The following EBF2 variants were observed in gnomAD, a reference collection of about 807,000 sequenced individuals.
EBF2 encodes transcription factor COE2.
EBF2 carries 21 observed loss-of-function variants against 72.8 expected under a neutral mutation model. That is an observed-to-expected ratio of 0.29 (90% CI 0.20 to 0.42). The LOEUF (loss-of-function observed/expected upper bound fraction) is 0.42, where lower values mean the gene tolerates loss of function less well. Among genes scored for constraint, EBF2 ranks in the 10% least tolerant of loss-of-function variants. The pLI is 1.00. For synonymous variants in EBF2, 299 were observed against 274.2 expected, an observed-to-expected ratio of 1.09 and a Z score of -0.89; for missense variants, 637 against 731.2, an observed-to-expected ratio of 0.87 and a Z score of 1.49.
intron 6 of EBF2, among the ~76,000 whole-genome samples, chr8:25,916,080 G>A (rs1642319975): frequency 6.6e-6 from 1 of 151,958 alleles, no homozygotes; most frequent in African/African-American, 2.4e-5. Flanking sequence ...GAGATCAGGA[G>A]CTTGAGACCA....
At chr8:26,037,716 G>A (rs1805525801) in intron 5 of EBF2, among the ~76,000 whole-genome samples, 1 of 152,274 alleles carries the variant, frequency 6.6e-6, no homozygotes, top group South Asian at 2.1e-4. Context: ...AGGGCTCAGG[G>A]GTGGCTGGCA....
rs774788682 is a variant in EBF2, at chr8:25,861,231, A to G, written c.1165-5T>C. 3 of 1,613,154 alleles carry G rather than the reference A, an allele frequency of 1.9e-6. No individual in the cohort carries two copies. The Admixed American group carries it at 5.0e-5, about 27-fold the overall frequency. The stretch of plus-strand genomic sequence containing the variant: ...GGCTCGCTTCAAAATGATGTCCTAC[A>G]AAACAACAGGTTAATGTGAGCATTC... On this transcript the variant is annotated splice_polypyrimidine_tract_variant and splice_region_variant and intron_variant, in intron 12 of 15. Transcript: ENST00000520164.
At chr8:26,040,808 C>T in intron 3 of EBF2, 131 bp downstream of exon 3, 1 of 1,487,790 alleles carries the variant, frequency 6.7e-7, no homozygotes, top group Non-Finnish European at 9.2e-7. Flanking sequence ...CTCCCAATCC[C>T]CTGTCCCAGG....
At chr8:25,954,615 T>C (rs1401253587) in intron 6 of EBF2, among the ~76,000 whole-genome samples, 1 of 152,194 alleles carries the variant, frequency 6.6e-6, no homozygotes, top group Admixed American at 6.5e-5. Context: ...CACCACCGTT[T>C]CCCACATGCT....
chr8:25,956,406 A>C (rs1346963593), intron 6 of EBF2, among the ~76,000 whole-genome samples: 1 of 145,058 alleles, frequency 6.9e-6, no homozygotes. Context: ...ACTCCTTCTC[A>C]AAAAAAAAAA....
intron 6 of EBF2, among the ~76,000 whole-genome samples, chr8:25,948,552 T>C (rs776461032): frequency 1.3e-5 from 2 of 152,182 alleles, no homozygotes; most frequent in Non-Finnish European, 1.5e-5. Context: ...GCGACATTTA[T>C]AACTACATTA....
chr8:25,952,121 T>A (rs888921059), intron 6 of EBF2, among the ~76,000 whole-genome samples: 1 of 151,978 alleles, frequency 6.6e-6, no homozygotes, highest in East Asian at 1.9e-4. Context: ...AGTGAGACCG[T>A]GTATCTACAA....
intron 6 of EBF2, among the ~76,000 whole-genome samples, chr8:25,914,569 C>A (rs1324246880): frequency 2.0e-5 from 3 of 152,202 alleles, no homozygotes; most frequent in Non-Finnish European, 4.4e-5. Flanking sequence ...GCTCTTGTTA[C>A]ACCCTACAGT....
intron 6 of EBF2, among the ~76,000 whole-genome samples, chr8:25,994,656 A>G (rs1022032485): frequency 7.2e-5 from 11 of 152,240 alleles, no homozygotes; most frequent in African/African-American, 2.7e-4. Context: ...ATACAGCTGG[A>G]GGCCATTATT....
intron 6 of EBF2, among the ~76,000 whole-genome samples, chr8:25,926,372 C>A (rs1803386477): frequency 6.6e-6 from 1 of 152,156 alleles, no homozygotes; most frequent in Non-Finnish European, 1.5e-5. Context: ...CTCTCACCCC[C>A]ACCTTTCTAA....
intron 6 of EBF2, chr8:26,031,619 A>G (rs1353680639): frequency 6.6e-6 from 1 of 151,868 alleles, no homozygotes; most frequent in Non-Finnish European, 1.5e-5. Flanking sequence ...TATTTTTAGT[A>G]AAGTCTGGGG....
chr8:26,043,512 C>G (rs1805644781), intron 1 of EBF2, among the ~76,000 whole-genome samples: 1 of 152,174 alleles, frequency 6.6e-6, no homozygotes. Flanking sequence ...GGGCCAGTCC[C>G]GAAGCGCTGC....
chr8:25,859,709 G>C (rs971503837), intron 13 of EBF2, among the ~76,000 whole-genome samples: 1 of 149,950 alleles, frequency 6.7e-6, no homozygotes, highest in African/African-American at 2.5e-5. Context: ...ATAATAATAT[G>C]TCCTGTCTAG....
At chr8:25,926,066 C>A (rs759865755) in intron 6 of EBF2, among the ~76,000 whole-genome samples, 9 of 152,140 alleles carry the variant, frequency 5.9e-5, no homozygotes, top group Non-Finnish European at 1.3e-4. Flanking sequence ...AAGAGTCTTG[C>A]CTCAAACACG....
intron 10 of EBF2, among the ~76,000 whole-genome samples, chr8:25,874,055 G>A (rs1393745748): frequency 6.6e-6 from 1 of 152,176 alleles, no homozygotes; most frequent in Non-Finnish European, 1.5e-5. Context: ...CCTGTCTCCA[G>A]TTTGAACAAG....
chr8:26,008,021 ATAT>A (rs1804911484), intron 6 of EBF2, among the ~76,000 whole-genome samples: 2 of 152,286 alleles, frequency 1.3e-5, no homozygotes, highest in East Asian at 1.9e-4. Flanking sequence ...ACAGAGGCTA[ATAT>A]TTGAATCCAC....
At chr8:25,966,456 C>A (rs1804117331) in intron 6 of EBF2, among the ~76,000 whole-genome samples, 1 of 152,170 alleles carries the variant, frequency 6.6e-6, no homozygotes, top group Admixed American at 6.5e-5. Flanking sequence ...CACACCCTTG[C>A]AAACAGCAAT....
intron 6 of EBF2, among the ~76,000 whole-genome samples, chr8:25,971,329 A>G (rs1804185880): frequency 6.6e-6 from 1 of 151,278 alleles, no homozygotes; most frequent in Non-Finnish European, 1.5e-5. Flanking sequence ...AAGTTCAGAG[A>G]CATCGTGGGC....
In EBF2 at chr8:26,034,365, C is replaced by T. The variant is rs533255694; in HGVS notation, c.483-1212G>A. On this transcript the variant is annotated intron_variant, in intron 5 of 15. Transcript: ENST00000520164. ...TCCCAGCTCTGAAAACTCCACTTTC[C>T]AAGACGTCCCTCTTGTGCTGGGTAC... is the stretch of plus-strand genomic sequence containing the variant. Among the ~76,000 whole-genome samples the T allele has an allele frequency of 4.6e-5, 7 of 152,244 alleles. No homozygotes were observed. The East Asian group carries it at 1.2e-3, about 25-fold the overall frequency.
Sources: gnomAD v4.1 joint callset for allele counts (sites outside exome capture counted in the v4.1 genomes callset) on GRCh38, gnomAD v4.1.1 for gene constraint, MANE v1.5 for transcripts, NCBI Gene and HGNC (gene_info 2026-07-23, HGNC 2026-07-21) for gene names.